Variants in LTBP1 observed in about 807,000 individuals in gnomAD.
The protein encoded by LTBP1 is latent-transforming growth factor beta-binding protein 1.
In LTBP1, 129 loss-of-function variants were observed where a neutral mutation model predicts 207.6. The ratio of observed to expected loss-of-function variants is 0.62; its 90% CI spans 0.54 to 0.72. The LOEUF (loss-of-function observed/expected upper bound fraction) is 0.72, where lower values mean the gene tolerates loss of function less well. LTBP1 is among the 30% of genes least tolerant of loss of function. The probability of loss-of-function intolerance (pLI) is 0.00; values close to 1 mark genes in which losing one functional copy is unlikely to be tolerated. For missense variants in LTBP1, 2,281 were observed against 2,217.2 expected, an observed-to-expected ratio of 1.03 and a Z score of -0.58; for synonymous variants, 963 against 833.7, an observed-to-expected ratio of 1.16 and a Z score of -2.67.
chr2:33,158,407 A>G (rs1184927719), intron 5 of LTBP1, among the ~76,000 whole-genome samples: 1 of 152,200 alleles, frequency 6.6e-6, no homozygotes, highest in African/African-American at 2.4e-5. Context: ...AAGGCTACTT[A>G]CTGCCCACCG....
intron 10 of LTBP1, among the ~76,000 whole-genome samples, chr2:33,251,554 A>G (rs566588354): frequency 4.7e-4 from 71 of 151,056 alleles, no homozygotes; most frequent in Non-Finnish European, 7.7e-4. Context: ...AGTCCCACCT[A>G]CTCAGGAGGC....
At chr2:32,997,042 G>A (rs920255999) in intron 2 of LTBP1, among the ~76,000 whole-genome samples, 1 of 152,044 alleles carries the variant, frequency 6.6e-6, no homozygotes, top group South Asian at 2.1e-4. Context: ...ACACCACCAT[G>A]CCTGGCTAAT....
intron 22 of LTBP1, among the ~76,000 whole-genome samples, chr2:33,303,510 C>T (rs577649091): frequency 4.0e-4 from 61 of 151,986 alleles, no homozygotes; most frequent in Non-Finnish European, 6.9e-4. Context: ...CCACCATGCC[C>T]GGCTAATTTT....
chr2:33,310,548 T>C (rs1284398844), intron 23 of LTBP1, among the ~76,000 whole-genome samples: 1 of 152,198 alleles, frequency 6.6e-6, no homozygotes, highest in Non-Finnish European at 1.5e-5. Flanking sequence ...TAACTGAGGC[T>C]CCGAGAAGTT....
At chr2:33,095,099 G>A (rs1022730263) in intron 3 of LTBP1, among the ~76,000 whole-genome samples, 1 of 152,008 alleles carries the variant, frequency 6.6e-6, no homozygotes, top group Middle Eastern at 3.2e-3. Context: ...TTTAAAGCAA[G>A]AAAATATATA....
chr2:32,964,813 C>T (rs963346946), intron 2 of LTBP1, among the ~76,000 whole-genome samples: 2 of 151,932 alleles, frequency 1.3e-5, no homozygotes, highest in East Asian at 1.9e-4. Flanking sequence ...GAGGCTGAGG[C>T]GGGCGGATCA....
chr2:32,977,806 C>G (rs949067505), intron 2 of LTBP1, among the ~76,000 whole-genome samples: 1 of 152,142 alleles, frequency 6.6e-6, no homozygotes, highest in Non-Finnish European at 1.5e-5. Context: ...CTCTGTGTCC[C>G]CTTGCTGCCT....
intron 2 of LTBP1, among the ~76,000 whole-genome samples, chr2:32,960,515 C>G (rs1558440031): frequency 6.6e-6 from 1 of 152,156 alleles, no homozygotes; most frequent in Non-Finnish European, 1.5e-5. Flanking sequence ...CTTTTTCTTT[C>G]TCCCTGCCAA....
At chr2:33,099,856 G>A (rs1333546703) in intron 3 of LTBP1, among the ~76,000 whole-genome samples, 1 of 152,138 alleles carries the variant, frequency 6.6e-6, no homozygotes, top group Non-Finnish European at 1.5e-5. Context: ...AATTGTGAAC[G>A]AACAGCTTCT....
chr2:33,306,898 G>A (rs769021888), intron 22 of LTBP1, among the ~76,000 whole-genome samples: 4 of 152,116 alleles, frequency 2.6e-5, no homozygotes, highest in Admixed American at 2.6e-4. Flanking sequence ...GACCGTCTTG[G>A]CCAACATGGT....
chr2:33,257,204 C>G (rs1377236948), intron 11 of LTBP1, 80 bp from the exon 12 acceptor site: 3 of 1,002,894 alleles, frequency 3.0e-6, no homozygotes, highest in Admixed American at 1.9e-5. Flanking sequence ...TTATTAAGAG[C>G]TATTCATCAT....
intron 9 of LTBP1, among the ~76,000 whole-genome samples, chr2:33,237,293 G>A (rs1424490515): frequency 1.3e-5 from 2 of 152,190 alleles, no homozygotes; most frequent in Non-Finnish European, 2.9e-5. Context: ...ATATGCTTAT[G>A]TATATAGAAT....
intron 4 of LTBP1, among the ~76,000 whole-genome samples, chr2:33,130,522 A>G (rs567132561): frequency 3.9e-5 from 6 of 152,334 alleles, no homozygotes; most frequent in African/African-American, 1.4e-4. Flanking sequence ...TCTGTTTGTC[A>G]AGCACAGTTT....
chr2:33,182,415 C>T (rs543677972), intron 5 of LTBP1, among the ~76,000 whole-genome samples: 12 of 152,026 alleles, frequency 7.9e-5, no homozygotes, highest in African/African-American at 2.9e-4. Flanking sequence ...GTAATCTCAG[C>T]ACTTTGGGAG....
chr2:33,307,075 G>GA (rs1489589389), intron 22 of LTBP1, among the ~76,000 whole-genome samples: 1 of 151,632 alleles, frequency 6.6e-6, no homozygotes, highest in Non-Finnish European at 1.5e-5. Context: ...AACAGAGCGA[G>GA]ACTCCATCTC....
chr2:32,982,774 T>C (rs1572932629), intron 2 of LTBP1, among the ~76,000 whole-genome samples: 1 of 152,266 alleles, frequency 6.6e-6, no homozygotes, highest in Non-Finnish European at 1.5e-5. Context: ...AGCCTGTGGG[T>C]GCACAGAAGT....
At chr2:33,095,770 G>T (rs1030292492) in intron 3 of LTBP1, among the ~76,000 whole-genome samples, 15 of 152,032 alleles carry the variant, frequency 9.9e-5, no homozygotes, top group Non-Finnish European at 1.6e-4. Flanking sequence ...TAAAAAACAG[G>T]TGGAAGTTTG....
chr2:32,987,155 C>A (rs1387401923), intron 2 of LTBP1, among the ~76,000 whole-genome samples: 1 of 152,142 alleles, frequency 6.6e-6, no homozygotes, highest in Non-Finnish European at 1.5e-5. Flanking sequence ...GGAAAAGTAG[C>A]CCCACATCAC....
intron 5 of LTBP1, among the ~76,000 whole-genome samples, chr2:33,168,398 T>TAAAAAAAAAAAAAAAA (rs2085113237): frequency 1.8e-5 from 1 of 55,382 alleles, no homozygotes; most frequent in Admixed American, 2.2e-4. Context: ...TGTCTTTGTC[T>TAAAAAAAAAAAAAAAA]CAAAAAAAAA....
Sources: gnomAD v4.1 joint callset for allele counts (sites outside exome capture counted in the v4.1 genomes callset) on GRCh38, gnomAD v4.1.1 for gene constraint, MANE v1.5 for transcripts, NCBI Gene and HGNC (gene_info 2026-07-23, HGNC 2026-07-21) for gene names.